Variants in SYT14 observed in about 807,000 individuals in gnomAD.
SYT14 encodes synaptotagmin-14.
Under a neutral mutation model 74.2 loss-of-function variants are expected in SYT14, and 32 were observed. The ratio of observed to expected loss-of-function variants is 0.43; its 90% CI spans 0.33 to 0.58. The LOEUF (loss-of-function observed/expected upper bound fraction) is 0.58, where lower values mean the gene tolerates loss of function less well. Ranked by LOEUF, SYT14 falls within the 20% of genes least tolerant of loss-of-function variation. The pLI is 0.05. For missense variants in SYT14, 791 were observed against 981.8 expected (o/e 0.81, Z 2.60); for synonymous variants, 298 against 337.7 (o/e 0.88, Z 1.29).
At chr1:210,056,253 A>G (rs2081094227) in intron 5 of SYT14, among the ~76,000 whole-genome samples, 1 of 152,198 alleles carries the variant, frequency 6.6e-6, no homozygotes, top group African/African-American at 2.4e-5. Context: ...CTGTGGGTGA[A>G]GGAATCTATA....
At chr1:210,158,161 AAAG>A (rs1391067432) in intron 8 of SYT14, among the ~76,000 whole-genome samples, 2 of 152,226 alleles carry the variant, frequency 1.3e-5, no homozygotes, top group Non-Finnish European at 2.9e-5. Flanking sequence ...GAGTGGGAGA[AAAG>A]AAGCAATTTC....
At chr1:210,007,622 A>G (rs983935207) in intron 2 of SYT14, among the ~76,000 whole-genome samples, 1 of 152,112 alleles carries the variant, frequency 6.6e-6, no homozygotes, top group Non-Finnish European at 1.5e-5. Context: ...TTTAACATAT[A>G]TAAGAGCTAT....
chr1:210,166,583 GGAGA>G (rs1264455148), exon 10 of SYT14: 13 of 151,900 alleles, frequency 8.6e-5, no homozygotes, highest in Admixed American at 6.6e-4. Context: ...AAGAAAGGAG[GGAGA>G]GAGAGAGGAA....
At chr1:210,098,781 A>G (rs1211738633) in intron 6 of SYT14, among the ~76,000 whole-genome samples, 2 of 151,980 alleles carry the variant, frequency 1.3e-5, no homozygotes, top group Admixed American at 1.3e-4. Flanking sequence ...CCCTGGCTCA[A>G]GCGATTCTCC....
chr1:210,135,047 C>G (rs905975773), intron 7 of SYT14, among the ~76,000 whole-genome samples: 2 of 151,766 alleles, frequency 1.3e-5, no homozygotes, highest in Non-Finnish European at 2.9e-5. Flanking sequence ...GTGGCACAAT[C>G]TCAGCTCATT....
At chr1:210,032,288 T>C (rs966719977) in intron 5 of SYT14, among the ~76,000 whole-genome samples, 1 of 151,942 alleles carries the variant, frequency 6.6e-6, no homozygotes. Flanking sequence ...TTAGGAAAAA[T>C]AATTAAATAA....
At chr1:210,032,755 ATACT>A (rs773659474) in intron 5 of SYT14, among the ~76,000 whole-genome samples, 1 of 151,082 alleles carries the variant, frequency 6.6e-6, no homozygotes, top group Non-Finnish European at 1.5e-5. Context: ...TTTTATTTAA[ATACT>A]TACTATGAAG....
At chr1:210,024,937 A>G (rs1381668140) in intron 5 of SYT14, among the ~76,000 whole-genome samples, 1 of 152,190 alleles carries the variant, frequency 6.6e-6, no homozygotes, top group African/African-American at 2.4e-5. Flanking sequence ...GAAGTTGAGC[A>G]ATCATTTTCA....
chr1:210,070,864 A>C (rs1415177769), intron 5 of SYT14, among the ~76,000 whole-genome samples: 1 of 149,424 alleles, frequency 6.7e-6, no homozygotes, highest in African/African-American at 2.5e-5. Context: ...AGGTGGATAC[A>C]TTTTCTCTGC....
At position 209,992,609 on chromosome 1, in the gene SYT14, C is replaced by T. The variant is rs531060849; in HGVS notation, c.-485-21024C>T. Among the ~76,000 whole-genome samples, 7 of 152,112 alleles carry T rather than the reference C, an allele frequency of 4.6e-5. No individual in the cohort carries two copies. The East Asian group carries it at 9.6e-4, about 21-fold the overall frequency. On this transcript the variant is annotated intron_variant, in intron 2 of 9. Transcript: ENST00000637265. The stretch of plus-strand genomic sequence containing the variant: ...TGTATACTTATTCTGGTGATGGCTA[C>T]GCTAAAAACACCACTATGCAATATA...
At chr1:210,156,162 C>T (rs2083263915) in intron 8 of SYT14, among the ~76,000 whole-genome samples, 1 of 152,096 alleles carries the variant, frequency 6.6e-6, no homozygotes, top group Non-Finnish European at 1.5e-5. Flanking sequence ...TCTATCATAG[C>T]CATTATCTTT....
intron 7 of SYT14, among the ~76,000 whole-genome samples, chr1:210,151,736 A>ATT (rs916235895): frequency 2.0e-5 from 3 of 152,174 alleles, no homozygotes. Context: ...ACACCACTAT[A>ATT]TTTCAGCAGG....
chr1:210,016,670 A>T lies in SYT14; in HGVS notation c.667A>T (p.Lys223Ter). ...GAAATATGTTGGTACAGATAATTGT[A>T]AAAAGGAGGAATATTCTAAATCTCG... The change falls in exon 4 of 10, where the codon AAA becomes TAA. Residue 223 changes from lysine (K) to a stop codon, truncating the protein, a stop_gained. Coordinates refer to ENST00000637265, the Ensembl canonical transcript of SYT14. LOFTEE classifies it high-confidence loss of function. 1 of 1,231,882 alleles carries T rather than the reference A, an allele frequency of 8.1e-7. No individual in the cohort carries two copies. Among genetic ancestry groups the T allele is most frequent in the African/African-American group, 1.5e-5 (1 of 64,538 alleles). 76.3% of individuals were successfully genotyped at this position (1,231,882 alleles called of 1,614,324 possible). A position where few individuals can be genotyped will look rare whatever the true frequency, so the allele number is the denominator to read the frequency against.
chr1:209,989,746 A>G (rs2079632042), intron 2 of SYT14, among the ~76,000 whole-genome samples: 1 of 152,196 alleles, frequency 6.6e-6, no homozygotes. Context: ...ACTAGTAGAT[A>G]TATGGTGCCA....
intron 8 of SYT14, among the ~76,000 whole-genome samples, chr1:210,157,695 T>C (rs2102718848): frequency 6.6e-6 from 1 of 151,984 alleles, no homozygotes; most frequent in African/African-American, 2.4e-5. Flanking sequence ...TGAGCTGAGA[T>C]TGCGCCACTG....
intron 2 of SYT14, among the ~76,000 whole-genome samples, chr1:209,964,195 A>G (rs1441275544): frequency 6.6e-6 from 1 of 152,150 alleles, no homozygotes; most frequent in Non-Finnish European, 1.5e-5. Context: ...TAATGGTTTT[A>G]TAAGAGTTCG....
chr1:210,022,284 T>C (rs750438933), intron 5 of SYT14, among the ~76,000 whole-genome samples: 2 of 152,226 alleles, frequency 1.3e-5, no homozygotes, highest in Non-Finnish European at 2.9e-5. Context: ...TCAATTCTTA[T>C]GTCTGCTAGT....
At chr1:209,973,737 G>T (rs1359720906) in intron 2 of SYT14, among the ~76,000 whole-genome samples, 1 of 152,122 alleles carries the variant, frequency 6.6e-6, no homozygotes, top group Non-Finnish European at 1.5e-5. Context: ...GTAATGGGAT[G>T]GCTGGGTCAA....
At chr1:209,978,278 G>A (rs11119379) in intron 2 of SYT14, among the ~76,000 whole-genome samples, 14,161 of 152,066 alleles carry the variant, frequency 0.093, 2,044 homozygotes, top group African/African-American at 0.31. Context: ...GAGGAGAGGC[G>A]CTCTGATTTT....
Sources: allele counts gnomAD v4.1 joint callset (sites outside exome capture counted in the v4.1 genomes callset), GRCh38; gene constraint gnomAD v4.1.1; transcripts MANE v1.5; gene names NCBI Gene and HGNC (gene_info 2026-07-23, HGNC 2026-07-21).